ZNF423: variants seen among roughly 807,000 people sequenced by gnomAD.
ZNF423 encodes zinc finger protein 423.
Under a neutral mutation model 95.8 loss-of-function variants are expected in ZNF423, and 12 were observed. The observed-to-expected ratio is 0.13, with a 90% CI of 0.08 to 0.20. ZNF423 has a LOEUF of 0.20. Among genes scored for constraint, ZNF423 ranks in the 10% least tolerant of loss-of-function variants. The probability of loss-of-function intolerance (pLI) is 1.00; values close to 1 mark genes in which losing one functional copy is unlikely to be tolerated. For missense variants in ZNF423, 1,316 were observed against 1,737.1 expected (o/e 0.76, Z 4.31); for synonymous variants, 749 against 711.9 (o/e 1.05, Z -0.83).
chr16:49,636,694 T>C lies in ZNF423; in HGVS notation c.2482A>G (p.Ile828Val), dbSNP rs755848526. 1.9e-6 allele frequency: 3 copies of C among 1,614,042 alleles called. No individual in the cohort carries two copies. Among genetic ancestry groups the C allele is most frequent in the Middle Eastern group, 1.6e-4 (1 of 6,062 alleles). ...KFCSKAFHAI[I>V]LLEKHLREKH... ...TCCCGCAGGTGCTTCTCCAGCAGGA[T>C]GATGGCGTGGAAGGCCTTGCTGCAG... is the stretch of plus-strand genomic sequence containing the variant. The change falls in exon 4 of 8, where the codon ATC (isoleucine) becomes GTC (valine). Residue 828 changes from isoleucine to valine, a missense_variant. Physicochemically the swap from Ile to Val is conservative, Grantham distance 29. Around this residue, in one of 6 missense-constraint regions of ZNF423, gnomAD observed 620 missense variants for 775.6 expected, o/e 0.80. Transcript: ENST00000563137. The surrounding 1 kb of genome is among the most constrained non-coding windows in gnomAD (Gnocchi z 8.6).
intron 7 of ZNF423, among the ~76,000 whole-genome samples, chr16:49,506,412 T>C (rs906238583): frequency 9.9e-5 from 15 of 151,510 alleles, no homozygotes; most frequent in African/African-American, 3.2e-4. Context: ...GGTGGATGGG[T>C]GGATAGATAG....
At chr16:49,560,772 C>A (rs1467542237) in intron 5 of ZNF423, among the ~76,000 whole-genome samples, 1 of 152,160 alleles carries the variant, frequency 6.6e-6, no homozygotes, top group Non-Finnish European at 1.5e-5. Flanking sequence ...GGATAAAAAC[C>A]GAGGCGAGTC....
chr16:49,544,144 G>A (rs1208649717), intron 5 of ZNF423, among the ~76,000 whole-genome samples: 2 of 152,204 alleles, frequency 1.3e-5, no homozygotes, highest in African/African-American at 2.4e-5. Context: ...GCAGTCTGGA[G>A]AAGAGAGAAT....
At chr16:49,845,405 AT>A (rs912040262) in intron 1 of ZNF423, among the ~76,000 whole-genome samples, 284 of 145,622 alleles carry the variant, frequency 2.0e-3, no homozygotes, top group African/African-American at 5.3e-3. Flanking sequence ...GCGCCCAGCA[AT>A]TTTTTTTTTT....
chr16:49,518,036 T>A, intron 7 of ZNF423: 1 of 451,404 alleles, frequency 2.2e-6, no homozygotes, highest in Non-Finnish European at 4.4e-6. Flanking sequence ...CTCCTGGTGA[T>A]GATATTGGCG....
At chr16:49,562,965 T>C (rs1056205661) in intron 5 of ZNF423, among the ~76,000 whole-genome samples, 1 of 152,130 alleles carries the variant, frequency 6.6e-6, no homozygotes, top group Non-Finnish European at 1.5e-5. Context: ...TTTGCATTTT[T>C]AGTAGAGATG....
chr16:49,698,263 C>T (rs2032047906), intron 3 of ZNF423, among the ~76,000 whole-genome samples: 1 of 152,020 alleles, frequency 6.6e-6, no homozygotes, highest in Non-Finnish European at 1.5e-5. Flanking sequence ...GCTCCCGCCC[C>T]CCGAAGCAAG....
intron 7 of ZNF423, among the ~76,000 whole-genome samples, chr16:49,505,347 T>C (rs1967587959): frequency 6.6e-6 from 1 of 152,238 alleles, no homozygotes; most frequent in Non-Finnish European, 1.5e-5. Flanking sequence ...GAAACTTTGA[T>C]CGTGTCCATT....
At chr16:49,655,336 C>A (rs1393530206) in intron 3 of ZNF423, among the ~76,000 whole-genome samples, 4 of 152,180 alleles carry the variant, frequency 2.6e-5, no homozygotes, top group Non-Finnish European at 5.9e-5. Flanking sequence ...CTGGACTCCC[C>A]AGCCCAGGGC....
intron 1 of ZNF423, among the ~76,000 whole-genome samples, chr16:49,792,002 C>CAAAAA (rs1227429391): frequency 1.4e-5 from 1 of 71,186 alleles, no homozygotes; most frequent in Non-Finnish European, 3.0e-5. Flanking sequence ...GACTCCATCT[C>CAAAAA]AAAAAAAAAA....
chr16:49,841,022 G>A (rs2035177367), intron 1 of ZNF423, among the ~76,000 whole-genome samples: 1 of 152,234 alleles, frequency 6.6e-6, no homozygotes, highest in South Asian at 2.1e-4. Context: ...GGTTGCCCCA[G>A]CAAATGACAG....
At chr16:49,736,585 T>C (rs1355392921) in intron 2 of ZNF423, among the ~76,000 whole-genome samples, 1 of 152,148 alleles carries the variant, frequency 6.6e-6, no homozygotes, top group East Asian at 1.9e-4. Flanking sequence ...GGAGAACCTA[T>C]GGAGTTTGAG....
intron 3 of ZNF423, among the ~76,000 whole-genome samples, chr16:49,657,252 CCT>C (rs2029925323): frequency 6.6e-6 from 1 of 152,236 alleles, no homozygotes; most frequent in South Asian, 2.1e-4. Flanking sequence ...CCATCCAGGA[CCT>C]AGCCCCAGGG....
intron 3 of ZNF423, among the ~76,000 whole-genome samples, chr16:49,729,208 A>G (rs1428999532): frequency 6.6e-6 from 1 of 152,250 alleles, no homozygotes; most frequent in Admixed American, 6.5e-5. Flanking sequence ...TTGCATTTAG[A>G]AAATAAAGAG....
chr16:49,589,797 T>G (rs944262269), intron 5 of ZNF423, among the ~76,000 whole-genome samples: 1 of 152,024 alleles, frequency 6.6e-6, no homozygotes, highest in Non-Finnish European at 1.5e-5. Context: ...GTGGGATAAT[T>G]ACTTGGCTCC....
chr16:49,836,287 C>G (rs148010427), intron 1 of ZNF423, among the ~76,000 whole-genome samples: 180 of 152,190 alleles, frequency 1.2e-3, no homozygotes, highest in African/African-American at 3.9e-3. Context: ...CAGGACTTGG[C>G]CTGGGACATC....
intron 2 of ZNF423, among the ~76,000 whole-genome samples, chr16:49,763,268 T>C (rs1596981554): frequency 6.6e-6 from 1 of 151,986 alleles, no homozygotes; most frequent in East Asian, 1.9e-4. Context: ...TTTTTGGTTT[T>C]TGTTTTTGTT....
intron 2 of ZNF423, among the ~76,000 whole-genome samples, chr16:49,775,166 GAA>G (rs1438760609): frequency 1.3e-5 from 2 of 152,206 alleles, no homozygotes; most frequent in Non-Finnish European, 2.9e-5. Context: ...GGAACTCTAA[GAA>G]AGATGTTTCT....
At chr16:49,696,148 G>C (rs2031961391) in intron 3 of ZNF423, among the ~76,000 whole-genome samples, 1 of 152,350 alleles carries the variant, frequency 6.6e-6, no homozygotes, top group Non-Finnish European at 1.5e-5. Context: ...GAAGGGAGAA[G>C]GCATGGAGCC....
Sources: gnomAD v4.1 joint callset for allele counts (sites outside exome capture counted in the v4.1 genomes callset) on GRCh38, gnomAD v4.1.1 for gene constraint, gnomAD v4.1.1 regional missense constraint, Gnocchi (gnomAD v3.1) non-coding constraint, MANE v1.5 for transcripts, NCBI Gene and HGNC (gene_info 2026-07-23, HGNC 2026-07-21) for gene names.